Variants in CUL5 observed in about 807,000 individuals in gnomAD.
CUL5 encodes the protein cullin-5.
CUL5 carries 26 observed loss-of-function variants against 108.8 expected under a neutral mutation model. The observed-to-expected ratio is 0.24, with a 90% CI of 0.18 to 0.33. CUL5 has a LOEUF of 0.33. CUL5 is among the 10% of genes least tolerant of loss of function. The pLI, the probability that CUL5 is intolerant of heterozygous loss-of-function variation, is 1.00. For synonymous variants in CUL5, 334 were observed against 298.0 expected (o/e 1.12, Z -1.25); for missense variants, 524 against 909.2 (o/e 0.58, Z 5.45).
Position 108,089,488 on chromosome 11 carries a change from A to G in CUL5, c.1312-4A>G. ...AACTGAAAGTAACTTTATTTTTCAT[A>G]CAGCTCTTGGTACTTAAGTATGTAC... On this transcript the variant is annotated splice_region_variant and splice_polypyrimidine_tract_variant and intron_variant, in intron 12 of 18. Transcript: ENST00000393094. 1 of 1,538,348 alleles carries G rather than the reference A, an allele frequency of 6.5e-7. No homozygotes were observed. Among genetic ancestry groups the G allele is most frequent in the Non-Finnish European group, 8.7e-7 (1 of 1,148,278 alleles).
intron 11 of CUL5, among the ~76,000 whole-genome samples, chr11:108,080,487 G>T (rs146095492): frequency 6.6e-6 from 1 of 151,808 alleles, no homozygotes; most frequent in Admixed American, 6.6e-5. Flanking sequence ...CATCCACCTC[G>T]TGGGTTCAAG....
At chr11:108,083,950 T>G (rs1864162004) in intron 11 of CUL5, among the ~76,000 whole-genome samples, 1 of 152,216 alleles carries the variant, frequency 6.6e-6, no homozygotes, top group African/African-American at 2.4e-5. Context: ...ACACACACAT[T>G]TGTAAACTTC....
intron 2 of CUL5, among the ~76,000 whole-genome samples, chr11:108,043,767 T>G (rs1429216751): frequency 6.6e-6 from 1 of 152,220 alleles, no homozygotes; most frequent in Non-Finnish European, 1.5e-5. Context: ...TGGTGCCTCA[T>G]GCCTGTAATC....
intron 8 of CUL5, 64 bp from the exon 9 acceptor site, chr11:108,072,268 A>G (rs1189979969): frequency 1.4e-5 from 18 of 1,307,228 alleles, no homozygotes; most frequent in Non-Finnish European, 1.8e-5. Flanking sequence ...AACTTAACTA[A>G]TGTTTCTCTA....
intron 11 of CUL5, among the ~76,000 whole-genome samples, chr11:108,080,487 G>A (rs146095492): frequency 2.6e-5 from 4 of 151,808 alleles, no homozygotes; most frequent in South Asian, 2.1e-4. Context: ...CATCCACCTC[G>A]TGGGTTCAAG....
intron 12 of CUL5, among the ~76,000 whole-genome samples, chr11:108,089,167 A>G (rs1864292699): frequency 6.6e-6 from 1 of 152,214 alleles, no homozygotes; most frequent in Non-Finnish European, 1.5e-5. Context: ...GTGTCAGAAA[A>G]AAAAGTGAAA....
rs998005281 is a variant in CUL5, at chr11:108,106,019, A to T, written c.*1635A>T. ...ATGCCTGTTCTGAAACTTATAGGAA[A>T]TTGGAATTTTGTTTAAAATTTTACA... On this transcript the variant is annotated 3_prime_UTR_variant, in exon 19 of 19. Transcript: ENST00000393094. The T allele has an allele frequency of 1.3e-4, 20 of 152,188 alleles. No homozygotes were observed. The highest frequency in any genetic ancestry group is 3.9e-4 in the African/African-American group (16 of 41,466). The allele number at this position is 152,188 out of a possible 1,614,324, so 9.4% of individuals were successfully genotyped here. A position where few individuals can be genotyped will look rare whatever the true frequency, so the allele number is the denominator to read the frequency against.
intron 1 of CUL5, among the ~76,000 whole-genome samples, chr11:108,019,913 T>C (rs1862287673): frequency 2.0e-5 from 3 of 152,096 alleles, no homozygotes; most frequent in Admixed American, 6.6e-5. Context: ...AGGGATCCTG[T>C]GTGTGTAGAG....
At chr11:108,018,498 C>T (rs1053273875) in intron 1 of CUL5, among the ~76,000 whole-genome samples, 1 of 150,676 alleles carries the variant, frequency 6.6e-6, no homozygotes, top group Non-Finnish European at 1.5e-5. Flanking sequence ...GAAACCCCAT[C>T]TCTACTAAAA....
At chr11:108,014,660 T>G (rs539076046) in intron 1 of CUL5, among the ~76,000 whole-genome samples, 1 of 152,192 alleles carries the variant, frequency 6.6e-6, no homozygotes, top group Non-Finnish European at 1.5e-5. Flanking sequence ...CAGGAGTAAT[T>G]AAGTCTATGG....
In CUL5 at chr11:108,064,043, C is replaced by G. The variant is rs887942349; in HGVS notation, c.781-6053C>G. 2.0e-5 allele frequency among the ~76,000 whole-genome samples: 3 copies of G among 152,208 alleles called. No homozygotes were observed. In the East Asian group the frequency reaches 5.8e-4, roughly 29 times the overall value. ...TCTTTCTCTTGTCTGATTCCTCTAA[C>G]TACAACTTCCAGTATTATTTTGAAT... On this transcript the variant is annotated intron_variant, in intron 7 of 18. Transcript: ENST00000393094.
chr11:108,040,659 C>T (rs1308465406), intron 2 of CUL5, among the ~76,000 whole-genome samples: 1 of 150,444 alleles, frequency 6.6e-6, no homozygotes, highest in Non-Finnish European at 1.5e-5. Context: ...GTGGCACGTG[C>T]CTGTAGTCCC....
rs944525645 is a variant in CUL5 at position 108,008,931 on chromosome 11, C to T, written c.-418C>T. On this transcript the variant is annotated 5_prime_UTR_variant, in exon 1 of 19. Transcript: ENST00000393094. ...CCGCCCTCGCGTCACGTGACGTGGC[C>T]GCGGAACCTGAGCTGCGGGGCCTAA... 2 of 170,800 alleles carry T rather than the reference C, an allele frequency of 1.2e-5. No individual in the cohort carries two copies. Among genetic ancestry groups the T allele is most frequent in the Non-Finnish European group, 2.5e-5 (2 of 80,020 alleles). The allele number at this position is 170,800 out of a possible 1,614,324, so 10.6% of individuals were successfully genotyped here. A position where few individuals can be genotyped will look rare whatever the true frequency, so the allele number is the denominator to read the frequency against.
At chr11:108,062,934 C>T (rs1313427735) in intron 7 of CUL5, among the ~76,000 whole-genome samples, 1 of 152,170 alleles carries the variant, frequency 6.6e-6, no homozygotes, top group Non-Finnish European at 1.5e-5. Flanking sequence ...CAACCTCCGC[C>T]TCCTGGGTTC....
intron 11 of CUL5, among the ~76,000 whole-genome samples, chr11:108,078,962 A>G (rs900501348): frequency 3.9e-5 from 6 of 152,148 alleles, no homozygotes; most frequent in Non-Finnish European, 1.5e-5. Context: ...TAATATTGAT[A>G]TATTTTAGAA....
intron 1 of CUL5, among the ~76,000 whole-genome samples, chr11:108,027,831 C>T (rs901829442): frequency 6.6e-6 from 1 of 152,200 alleles, no homozygotes. Flanking sequence ...GGTTATCTTA[C>T]CTGATCTGTC....
intron 3 of CUL5, among the ~76,000 whole-genome samples, chr11:108,049,248 T>G (rs966370973): frequency 1.3e-3 from 1 of 774 alleles, no homozygotes; most frequent in Non-Finnish European, 0.045. Context: ...TTGTGACTAG[T>G]TTTCTTTCAC....
intron 17 of CUL5, 56 bp from the exon 18 acceptor site, chr11:108,098,350 A>G: frequency 2.0e-6 from 3 of 1,476,316 alleles, no homozygotes; most frequent in Middle Eastern, 1.8e-4. Context: ...TGTTGCTATA[A>G]TAGGATTTTT....
chr11:108,102,324 G>A (rs567143022), intron 18 of CUL5, among the ~76,000 whole-genome samples: 2 of 150,330 alleles, frequency 1.3e-5, no homozygotes, highest in Non-Finnish European at 3.0e-5. Context: ...CACCATGCCC[G>A]GCCTATTTTT....
Sources: allele counts gnomAD v4.1 joint callset (sites outside exome capture counted in the v4.1 genomes callset), GRCh38; gene constraint gnomAD v4.1.1; transcripts MANE v1.5; gene names NCBI Gene and HGNC (gene_info 2026-07-23, HGNC 2026-07-21).